Variants in STK39 observed in about 807,000 individuals in gnomAD.
The protein encoded by STK39 is STE20/SPS1-related proline-alanine-rich protein kinase.
Under a neutral mutation model 77.8 loss-of-function variants are expected in STK39, and 20 were observed. That is an observed-to-expected ratio of 0.26 (90% CI 0.18 to 0.37). The LOEUF (loss-of-function observed/expected upper bound fraction) is 0.37. STK39 is among the 10% of genes least tolerant of loss of function. The pLI is 1.00. For synonymous variants in STK39, 246 were observed against 234.1 expected (o/e 1.05, Z -0.47); for missense variants, 479 against 656.5 (o/e 0.73, Z 2.95).
chr2:167,991,072 C>T (rs1456106573), intron 16 of STK39, among the ~76,000 whole-genome samples: 3 of 152,190 alleles, frequency 2.0e-5, no homozygotes, highest in Non-Finnish European at 4.4e-5. Flanking sequence ...GTAACAAACA[C>T]CCGATACACG....
At position 168,247,380 on chromosome 2, in the gene STK39, G is replaced by C; in HGVS notation, c.56C>G (p.Pro19Arg). 2 of 1,031,906 alleles carry C rather than the reference G, an allele frequency of 1.9e-6. No individual in the cohort carries two copies. Among genetic ancestry groups the C allele is most frequent in the Non-Finnish European group, 2.4e-6 (2 of 829,424 alleles). 63.9% of individuals were successfully genotyped at this position (1,031,906 alleles called of 1,614,324 possible). A position where few individuals can be genotyped will look rare whatever the true frequency, so the allele number is the denominator to read the frequency against. Reference sequence around the variant, plus strand: ...GGCCGCCGCCGCCGCCGCTGTCACCGGGGCCGCCTGCTGGGGAAGCTGGAC... The same window carrying C: ...GGCCGCCGCCGCCGCCGCTGTCACCCGGGCCGCCTGCTGGGGAAGCTGGAC... ...VHVQLPQQAAPVTAAAAAAPA... is the reference protein window; with the variant it reads ...VHVQLPQQAARVTAAAAAAPA... Residue 19 changes from proline to arginine, a missense_variant, in exon 1 of 18, where the codon CCG becomes CGG. Physicochemically the swap from Pro to Arg is moderately radical, Grantham distance 103. This residue lies in a region of STK39 where 96 missense variants were observed against 79.1 expected (regional missense o/e 1.21). Coordinates refer to ENST00000355999, the MANE Select transcript of STK39 (RefSeq NM_013233.3).
intron 1 of STK39, among the ~76,000 whole-genome samples, chr2:168,211,650 C>A (rs557802908): frequency 1.3e-5 from 2 of 152,316 alleles, no homozygotes; most frequent in African/African-American, 4.8e-5. Flanking sequence ...TTGTGGGTAG[C>A]AAACATACTG....
intron 1 of STK39, among the ~76,000 whole-genome samples, chr2:168,217,395 C>T (rs1333756665): frequency 1.3e-5 from 2 of 152,134 alleles, no homozygotes; most frequent in Non-Finnish European, 2.9e-5. Flanking sequence ...GTTTCTTTAT[C>T]GTAACCTTTA....
chr2:168,123,419 A>T (rs1172952890), intron 10 of STK39, among the ~76,000 whole-genome samples: 2 of 152,232 alleles, frequency 1.3e-5, no homozygotes, highest in African/African-American at 4.8e-5. Flanking sequence ...CCTTGTTTTT[A>T]GGAAATATAC....
intron 16 of STK39, among the ~76,000 whole-genome samples, chr2:167,998,475 G>A (rs948532445): frequency 6.6e-5 from 10 of 152,058 alleles, no homozygotes; most frequent in African/African-American, 2.4e-4. Context: ...TGCTACCTTA[G>A]CCCACACCAT....
At chr2:168,133,362 T>C (rs1687749539) in intron 8 of STK39, among the ~76,000 whole-genome samples, 1 of 152,224 alleles carries the variant, frequency 6.6e-6, no homozygotes, top group African/African-American at 2.4e-5. Flanking sequence ...CAAAATAGAA[T>C]TGGTTTAAAC....
chr2:168,155,577 C>G (rs547980043), intron 5 of STK39, among the ~76,000 whole-genome samples: 33 of 151,316 alleles, frequency 2.2e-4, no homozygotes, highest in African/African-American at 7.5e-4. Flanking sequence ...CCCACCCCAA[C>G]AGATTTTAAT....
In STK39 at chr2:168,106,161, C is replaced by A. The variant is rs577214600; in HGVS notation, c.1089+23380G>T. ...CCAGTATGTTTTTAAAGTAATGATA[C>A]TCAGTCAGGAGGCAAGATTGCAACA... On this transcript the variant is annotated intron_variant, in intron 10 of 17. Transcript: ENST00000355999. 2.3e-4 allele frequency among the ~76,000 whole-genome samples: 35 copies of A among 152,338 alleles called. 1 individual carries two copies. The highest frequency in any genetic ancestry group is 7.5e-4 in the African/African-American group (31 of 41,582).
intron 3 of STK39, among the ~76,000 whole-genome samples, chr2:168,164,513 C>G (rs1328459450): frequency 6.6e-6 from 1 of 152,082 alleles, no homozygotes; most frequent in Non-Finnish European, 1.5e-5. Context: ...CTCAAGCGAT[C>G]CTCCCACCTC....
At chr2:168,242,560 A>AAAAAAATATATATATATATATAT (rs1296747890) in intron 1 of STK39, among the ~76,000 whole-genome samples, 2 of 44,864 alleles carry the variant, frequency 4.5e-5, no homozygotes, top group Admixed American at 2.6e-4. Context: ...AAAAAAAAAA[A>AAAAAAATATATATATATATATAT]ATATATATAT....
intron 2 of STK39, among the ~76,000 whole-genome samples, chr2:168,180,881 A>G (rs753273408): frequency 2.6e-5 from 4 of 152,248 alleles, no homozygotes; most frequent in Non-Finnish European, 5.9e-5. Flanking sequence ...ATAAAACCCA[A>G]TGAAATCTAT....
At chr2:168,012,371 C>T (rs112466648) in intron 16 of STK39, among the ~76,000 whole-genome samples, 2,883 of 152,186 alleles carry the variant, frequency 0.019, 94 homozygotes, top group African/African-American at 0.066. Flanking sequence ...CAGGGTTTCA[C>T]CAAATAGGCC....
intron 16 of STK39, among the ~76,000 whole-genome samples, chr2:167,991,664 C>G (rs1415705736): frequency 1.3e-5 from 2 of 152,170 alleles, no homozygotes; most frequent in East Asian, 1.9e-4. Context: ...TCAATAAAGT[C>G]TTAACAAATG....
At chr2:168,227,900 G>A (rs368741568) in intron 1 of STK39, among the ~76,000 whole-genome samples, 5 of 151,978 alleles carry the variant, frequency 3.3e-5, no homozygotes, top group Non-Finnish European at 7.4e-5. Flanking sequence ...CTAATGATCC[G>A]CCCTCCTCAG....
chr2:168,019,641 A>G (rs1256275285), intron 14 of STK39, among the ~76,000 whole-genome samples: 2 of 152,208 alleles, frequency 1.3e-5, no homozygotes, highest in Admixed American at 6.5e-5. Flanking sequence ...CAGTGCCTGC[A>G]GTGGGAGGAT....
At chr2:168,227,447 T>C (rs1244350219) in intron 1 of STK39, among the ~76,000 whole-genome samples, 1 of 152,204 alleles carries the variant, frequency 6.6e-6, no homozygotes, top group Non-Finnish European at 1.5e-5. Context: ...TAAATTCCTA[T>C]TCATTTCTCC....
intron 8 of STK39, among the ~76,000 whole-genome samples, chr2:168,136,584 T>C (rs2105522040): frequency 6.6e-6 from 1 of 152,274 alleles, no homozygotes; most frequent in East Asian, 1.9e-4. Flanking sequence ...TCTCAATTAC[T>C]GTCGTTCAAG....
chr2:168,232,783 G>A (rs2105263774), intron 1 of STK39, among the ~76,000 whole-genome samples: 1 of 152,148 alleles, frequency 6.6e-6, no homozygotes, highest in African/African-American at 2.4e-5. Flanking sequence ...GTAGTGGCAG[G>A]TGCCTGTAAT....
chr2:168,013,476 T>C (rs1684322213), intron 15 of STK39, among the ~76,000 whole-genome samples: 1 of 152,214 alleles, frequency 6.6e-6, no homozygotes. Context: ...GAAGAACTGT[T>C]ATAAGCCCCC....
Sources: allele counts gnomAD v4.1 joint callset (sites outside exome capture counted in the v4.1 genomes callset), GRCh38; gene constraint gnomAD v4.1.1; regional missense constraint gnomAD v4.1.1; transcripts MANE v1.5; gene names NCBI Gene and HGNC (gene_info 2026-07-23, HGNC 2026-07-21).